Variants in CMC1 observed in about 807,000 individuals in gnomAD.
CMC1 encodes C-X9-C motif containing 1.
In CMC1, 14 loss-of-function variants were observed where a neutral mutation model predicts 14.1. That is an observed-to-expected ratio of 0.99 (90% CI 0.66 to 1.55). The LOEUF (loss-of-function observed/expected upper bound fraction) is 1.55. CMC1 is among the 40% of genes most tolerant of loss of function. The pLI is 0.00. For missense variants in CMC1, 127 were observed against 123.8 expected, an observed-to-expected ratio of 1.03 and a Z score of -0.12; for synonymous variants, 50 against 38.4, an observed-to-expected ratio of 1.30 and a Z score of -1.12.
intron 3 of CMC1, chr3:28,316,632 A>G: frequency 2.8e-6 from 1 of 359,554 alleles, no homozygotes; most frequent in Non-Finnish European, 5.0e-6. Flanking sequence ...GTATCTGATT[A>G]AAAAGATGAA....
At chr3:28,294,536 AC>A in intron 2 of CMC1, 2 of 762,498 alleles carry the variant, frequency 2.6e-6, no homozygotes, top group Non-Finnish European at 3.2e-6. Context: ...AGTAGTGAGT[AC>A]CAGAAGTTTA....
intron 1 of CMC1, among the ~76,000 whole-genome samples, chr3:28,259,010 T>G (rs1000657966): frequency 6.6e-6 from 1 of 152,166 alleles, no homozygotes; most frequent in African/African-American, 2.4e-5. Flanking sequence ...CTTCTGTAGT[T>G]TTGTAGTATG....
rs1559453039 is a variant in CMC1 at position 28,321,437 on chromosome 3, A to T, written c.*1808A>T. The T allele has an allele frequency of 6.6e-6, 1 of 151,422 alleles. No individual in the cohort carries two copies. The highest frequency in any genetic ancestry group is 1.5e-5 in the Non-Finnish European group (1 of 67,558). 9.4% of individuals were successfully genotyped at this position (151,422 alleles called of 1,614,324 possible). ...AAGCCAGATTAGATTACACAGTATA[A>T]ATAATATGTTCATCCTCCTTATGTC... On this transcript the variant is annotated 3_prime_UTR_variant, in exon 4 of 4. Transcript: ENST00000466830.
rs575577419 is a variant in CMC1, at chr3:28,311,417, T to A, written c.110-4916T>A. Reference sequence around the variant, plus strand: ...TTTATAGACGAATGTATATAAAGTCTGAACCTCATGAAATACTGTTCATGC... The same window carrying A: ...TTTATAGACGAATGTATATAAAGTCAGAACCTCATGAAATACTGTTCATGC... On this transcript the variant is annotated intron_variant, in intron 2 of 3. Transcript: ENST00000466830. Among the ~76,000 whole-genome samples the A allele has an allele frequency of 2.0e-5, 3 of 152,364 alleles. No individual in the cohort carries two copies. The East Asian group carries it at 5.8e-4, about 29-fold the overall frequency.
intron 1 of CMC1, among the ~76,000 whole-genome samples, chr3:28,242,675 A>T (rs1576954450): frequency 6.6e-6 from 1 of 152,226 alleles, no homozygotes; most frequent in Admixed American, 6.5e-5. Context: ...GTGGTATGGT[A>T]GGTCCTTTTA....
At chr3:28,259,269 TGATAACTGCCTTCAAAAG>T (rs1227991585) in intron 1 of CMC1, among the ~76,000 whole-genome samples, 1 of 152,154 alleles carries the variant, frequency 6.6e-6, no homozygotes, top group Non-Finnish European at 1.5e-5. Flanking sequence ...TCAGTGGGTG[TGATAACTGCCTTCAAAAG>T]GATAACAATT....
At chr3:28,290,785 T>A (rs1429055995) in intron 2 of CMC1, among the ~76,000 whole-genome samples, 3 of 152,148 alleles carry the variant, frequency 2.0e-5, no homozygotes, top group African/African-American at 7.2e-5. Flanking sequence ...CATTTGATGG[T>A]ATTTACTGCA....
intron 2 of CMC1, among the ~76,000 whole-genome samples, chr3:28,280,358 TTGAA>T (rs1402122654): frequency 1.3e-5 from 2 of 152,164 alleles, no homozygotes; most frequent in Non-Finnish European, 2.9e-5. Context: ...TTTTGTTTCA[TTGAA>T]TGGTATATAT....
At chr3:28,306,111 G>C (rs1351864996) in intron 2 of CMC1, among the ~76,000 whole-genome samples, 1 of 151,860 alleles carries the variant, frequency 6.6e-6, no homozygotes, top group African/African-American at 2.4e-5. Flanking sequence ...TTTTAAAGTT[G>C]GGTAATGTGA....
At chr3:28,289,929 A>C (rs914490970) in intron 2 of CMC1, among the ~76,000 whole-genome samples, 4 of 152,154 alleles carry the variant, frequency 2.6e-5, no homozygotes, top group Admixed American at 6.6e-5. Context: ...CTACTTTTTT[A>C]GTGGAATTTA....
chr3:28,316,657 A>T lies in CMC1; in HGVS notation c.200+234A>T, dbSNP rs1359996667. On this transcript the variant is annotated intron_variant, in intron 3 of 3. Transcript: ENST00000466830. ...AAAAAGATGAAGTCAGCAGACAAAA[A>T]TATATGATTTTTCACTATTTAATAA... 16 of 314,928 alleles carry T rather than the reference A, an allele frequency of 5.1e-5. No homozygotes were observed. In the East Asian group the frequency reaches 8.2e-4, roughly 16 times the overall value. The allele number at this position is 314,928 out of a possible 1,614,324, so 19.5% of individuals were successfully genotyped here.
intron 2 of CMC1, among the ~76,000 whole-genome samples, chr3:28,289,734 T>C (rs1701372469): frequency 6.6e-6 from 1 of 152,152 alleles, no homozygotes; most frequent in South Asian, 2.1e-4. Context: ...ATTTACTTCC[T>C]TTTTGCATTT....
At chr3:28,305,723 G>C (rs549059763) in intron 2 of CMC1, among the ~76,000 whole-genome samples, 1 of 143,836 alleles carries the variant, frequency 7.0e-6, no homozygotes, top group Non-Finnish European at 1.5e-5. Flanking sequence ...TTGCTTTTGA[G>C]ATCTTAGTCA....
intron 2 of CMC1, among the ~76,000 whole-genome samples, chr3:28,282,544 C>A (rs1361076670): frequency 6.6e-6 from 1 of 152,072 alleles, no homozygotes; most frequent in African/African-American, 2.4e-5. Context: ...GAAATATGTT[C>A]TTTGCTCTAA....
Position 28,319,709 on chromosome 3 carries a change from A to C in CMC1, c.*80A>C, listed in dbSNP as rs570473206. 3.6e-6 allele frequency: 4 copies of C among 1,124,058 alleles called. No individual in the cohort carries two copies. The highest frequency in any genetic ancestry group is 5.0e-6 in the Non-Finnish European group (4 of 800,820). The allele number at this position is 1,124,058 out of a possible 1,614,324, so 69.6% of individuals were successfully genotyped here. Reference sequence around the variant, plus strand: ...GTCCTTAAATAATGGACTCAAGCATATATGTTTGCTTTACCTTAATTATGG... The same window carrying C: ...GTCCTTAAATAATGGACTCAAGCATCTATGTTTGCTTTACCTTAATTATGG... On this transcript the variant is annotated 3_prime_UTR_variant, in exon 4 of 4. Coordinates refer to ENST00000466830, the MANE Select transcript of CMC1 (RefSeq NM_182523.2).
At chr3:28,275,831 T>C (rs1035855614) in intron 2 of CMC1, among the ~76,000 whole-genome samples, 44 of 152,174 alleles carry the variant, frequency 2.9e-4, no homozygotes, top group African/African-American at 1.0e-3. Flanking sequence ...AAATTCCCAC[T>C]GGGAGGCCCT....
chr3:28,301,135 A>C (rs773799053), intron 2 of CMC1, among the ~76,000 whole-genome samples: 2 of 152,176 alleles, frequency 1.3e-5, no homozygotes, highest in African/African-American at 4.8e-5. Context: ...ATATAAAAAT[A>C]CTTTTTGCTT....
intron 1 of CMC1, among the ~76,000 whole-genome samples, chr3:28,246,042 A>G (rs943590263): frequency 6.6e-6 from 1 of 152,026 alleles, no homozygotes; most frequent in Non-Finnish European, 1.5e-5. Flanking sequence ...GGCTCAAGTA[A>G]TCTGCCCACC....
intron 2 of CMC1, among the ~76,000 whole-genome samples, chr3:28,267,074 C>T (rs893799288): frequency 1.3e-5 from 2 of 152,116 alleles, no homozygotes; most frequent in African/African-American, 4.8e-5. Flanking sequence ...CACCTTGTGT[C>T]TTAGGGAGAT....
Sources: gnomAD v4.1 joint callset for allele counts (sites outside exome capture counted in the v4.1 genomes callset) on GRCh38, gnomAD v4.1.1 for gene constraint, MANE v1.5 for transcripts, NCBI Gene and HGNC (gene_info 2026-07-23, HGNC 2026-07-21) for gene names.